ZNF567: variants seen among roughly 807,000 people sequenced by gnomAD.
The protein encoded by ZNF567 is zinc finger protein 567.
ZNF567 carries 36 observed loss-of-function variants against 53.9 expected under a neutral mutation model. The ratio of observed to expected loss-of-function variants is 0.67; its 90% CI spans 0.51 to 0.88. The LOEUF (loss-of-function observed/expected upper bound fraction) is 0.88, where lower values mean the gene tolerates loss of function less well. Ranked by LOEUF, ZNF567 falls within the 40% of genes least tolerant of loss-of-function variation. ZNF567 has a pLI of 0.00. For synonymous variants in ZNF567, 224 were observed against 260.4 expected, an observed-to-expected ratio of 0.86 and a Z score of 1.35; for missense variants, 619 against 764.7, an observed-to-expected ratio of 0.81 and a Z score of 2.25.
rs1160042832 is a variant in ZNF567, at chr19:36,704,630, T to C, written c.10-7756T>C. Among the ~76,000 whole-genome samples, 4 of 152,294 alleles carry C rather than the reference T, an allele frequency of 2.6e-5. No homozygotes were observed. In the East Asian group the frequency reaches 7.7e-4, roughly 29 times the overall value. On this transcript the variant is annotated intron_variant, in intron 3 of 5. Coordinates refer to ENST00000682579, the MANE Select transcript of ZNF567 (RefSeq NM_001322917.1). ...ATTAAATATGATGAATTTGCTAATA[T>C]GTTGTTACTGATTTTTCTTGTCTGT...
rs2040256612 is a variant in ZNF567 at position 36,720,374 on chromosome 19, A to G, written c.1650A>G (p.Val550=). The part of the protein sequence containing the change: ...KSFRQKATLT[V]HQKIHTGQKS... ...TTCGCCAGAAAGCAACCCTCACTGTACATCAGAAAATACATACCGGCCAGA... is the reference window on the plus strand; with the variant it reads ...TTCGCCAGAAAGCAACCCTCACTGTGCATCAGAAAATACATACCGGCCAGA... The change falls in exon 6 of 6, where the codon GTA becomes GTG. Residue 550 remains valine (V), a synonymous_variant. Coordinates refer to ENST00000682579, the MANE Select transcript of ZNF567 (RefSeq NM_001322917.1). 5.6e-6 allele frequency: 9 copies of G among 1,613,980 alleles called. No homozygotes were observed. The South Asian group carries it at 8.8e-5, about 16-fold the overall frequency.
At chr19:36,712,181 G>T (rs886998916) in intron 3 of ZNF567, 2 of 443,444 alleles carry the variant, frequency 4.5e-6, no homozygotes, top group Admixed American at 7.3e-5. Flanking sequence ...CATGTAACTG[G>T]GATTACAGGC....
Position 36,719,262 on chromosome 19 carries a change from G to T in ZNF567, c.538G>T (p.Glu180Ter), listed in dbSNP as rs2040203403. Residue 180 changes from glutamate to a stop codon, truncating the protein, a stop_gained, in exon 6 of 6, where the codon GAA becomes TAA. Coordinates refer to ENST00000682579, the MANE Select transcript of ZNF567 (RefSeq NM_001322917.1). LOFTEE classifies it high-confidence loss of function. ...TACTAAACAAGAGACTACTCATCCT[G>T]AAGTCAAATCCCATAATCAAAGTGC... Reference protein sequence around the residue: ...LSTKQETTHPEVKSHNQSARA... With the variant: ...LSTKQETTHP 1 of 1,613,906 alleles carries T rather than the reference G, an allele frequency of 6.2e-7. No individual in the cohort carries two copies. The highest frequency in any genetic ancestry group is 8.5e-7 in the Non-Finnish European group (1 of 1,180,002).
At chr19:36,679,791 A>G in the ZNF567 span, among the ~76,000 whole-genome samples, 1 of 152,054 alleles carries the variant, frequency 6.6e-6, no homozygotes, top group South Asian at 2.1e-4. Flanking sequence ...TCTTAGAAGT[A>G]GAGAGTAGGA....
the ZNF567 span, among the ~76,000 whole-genome samples, chr19:36,675,741 C>T: frequency 6.6e-5 from 10 of 152,038 alleles, no homozygotes; most frequent in South Asian, 2.1e-3. Flanking sequence ...CCCAGCTACA[C>T]AGGAGGCTGA....
chr19:36,700,987 C>A (rs950750612), intron 3 of ZNF567, among the ~76,000 whole-genome samples: 4 of 151,772 alleles, frequency 2.6e-5, no homozygotes, highest in Non-Finnish European at 5.9e-5. Context: ...TTTGCTCTTG[C>A]TTCTCTAGTT....
At chr19:36,697,499 A>C (rs1227431452) in intron 3 of ZNF567, among the ~76,000 whole-genome samples, 1 of 152,068 alleles carries the variant, frequency 6.6e-6, no homozygotes, top group Non-Finnish European at 1.5e-5. Context: ...CCTTCAGTAC[A>C]ATGTTGAGTA....
chr19:36,708,568 A>G (rs1378760147), intron 3 of ZNF567, among the ~76,000 whole-genome samples: 1 of 152,156 alleles, frequency 6.6e-6, no homozygotes, highest in Non-Finnish European at 1.5e-5. Flanking sequence ...CATATTCACC[A>G]TTATATTATC....
chr19:36,679,233 C>T, the ZNF567 span, among the ~76,000 whole-genome samples: 1 of 152,136 alleles, frequency 6.6e-6, no homozygotes, highest in Non-Finnish European at 1.5e-5. Context: ...TTGCAGTGAG[C>T]CGAGATTGCA....
intron 3 of ZNF567, among the ~76,000 whole-genome samples, chr19:36,704,776 G>C (rs2039407327): frequency 6.6e-6 from 1 of 152,044 alleles, no homozygotes; most frequent in Non-Finnish European, 1.5e-5. Context: ...TATAGAATTG[G>C]TATTATTTCT....
chr19:36,677,128 C>T, the ZNF567 span, among the ~76,000 whole-genome samples: 1 of 127,134 alleles, frequency 7.9e-6, no homozygotes, highest in African/African-American at 3.0e-5. Flanking sequence ...GCACTCTAGC[C>T]TGGGCAACAA....
At chr19:36,683,890 C>A (rs754573826), upstream of ZNF567, among the ~76,000 whole-genome samples, 1 of 151,802 alleles carries the variant, frequency 6.6e-6, no homozygotes, top group Admixed American at 6.6e-5. Flanking sequence ...CATATAGTAG[C>A]GAATAGACAT....
chr19:36,672,187 T>C, the ZNF567 span, among the ~76,000 whole-genome samples: 1 of 152,316 alleles, frequency 6.6e-6, no homozygotes, highest in East Asian at 1.9e-4. Context: ...CCGCACCTGG[T>C]TGTTCATTTT....
chr19:36,676,055 C>CTTTTTTTTTTTTTTTTTTTTT, the ZNF567 span, among the ~76,000 whole-genome samples: 1 of 60,618 alleles, frequency 1.6e-5, no homozygotes, highest in Non-Finnish European at 3.1e-5. Context: ...TATTCTACAC[C>CTTTTTTTTTTTTTTTTTTTTT]TTTTTTTTTT....
At chr19:36,718,235 C>T (rs2040151157) in intron 5 of ZNF567, among the ~76,000 whole-genome samples, 1 of 152,174 alleles carries the variant, frequency 6.6e-6, no homozygotes. Flanking sequence ...CACAGTGGCT[C>T]ATACCTGTAA....
intron 1 of ZNF567, among the ~76,000 whole-genome samples, chr19:36,688,039 A>G (rs1169625795): frequency 6.6e-6 from 1 of 151,750 alleles, no homozygotes; most frequent in Non-Finnish European, 1.5e-5. Flanking sequence ...ACGTTGTGGA[A>G]CCGGTTGTTT....
In ZNF567 at chr19:36,714,346, T is replaced by C; in HGVS notation, c.223+1479T>C. ...CTGGCTAACTTTTTTGTATTTTTAG[T>C]AGAGATGGGGTTTCACCATGTTGGC... On this transcript the variant is annotated intron_variant, in intron 5 of 5. Transcript: ENST00000682579. 1.4e-5 allele frequency: 5 copies of C among 356,890 alleles called. 1 individual carries two copies. 22.1% of individuals were successfully genotyped at this position (356,890 alleles called of 1,614,324 possible).
downstream of ZNF567, among the ~76,000 whole-genome samples, chr19:36,725,265 T>C (rs1288578506): frequency 6.6e-6 from 1 of 151,566 alleles, no homozygotes; most frequent in Non-Finnish European, 1.5e-5. Flanking sequence ...TACAGTGGTG[T>C]GATCTCGGCT....
At chr19:36,713,195 C>T (rs1182568008) in intron 5 of ZNF567, among the ~76,000 whole-genome samples, 3 of 152,052 alleles carry the variant, frequency 2.0e-5, no homozygotes, top group Non-Finnish European at 4.4e-5. Flanking sequence ...TGGCTCACAC[C>T]TTTCATCCCA....
Sources: allele counts gnomAD v4.1 joint callset (sites outside exome capture counted in the v4.1 genomes callset), GRCh38; gene constraint gnomAD v4.1.1; transcripts MANE v1.5; gene names NCBI Gene and HGNC (gene_info 2026-07-23, HGNC 2026-07-21).